TRIP4: variants seen among roughly 807,000 people sequenced by gnomAD.
The protein encoded by TRIP4 is activating signal cointegrator 1.
A neutral mutation model predicts 81.8 loss-of-function variants in TRIP4; 54 were observed. The ratio of observed to expected loss-of-function variants is 0.66; its 90% CI spans 0.53 to 0.83. TRIP4 has a LOEUF of 0.83. TRIP4 is among the 40% of genes least tolerant of loss of function. TRIP4 has a pLI of 0.00. For synonymous variants in TRIP4, 270 were observed against 242.8 expected, an observed-to-expected ratio of 1.11 and a Z score of -1.04; for missense variants, 662 against 683.6, an observed-to-expected ratio of 0.97 and a Z score of 0.35.
chr15:64,430,119 A>C lies in TRIP4; in HGVS notation c.1575+4488A>C, dbSNP rs534708397. On this transcript the variant is annotated intron_variant, in intron 11 of 12. Transcript: ENST00000261884. ...AAAATCAAGTGCACTACACTGTTAA[A>C]TGGCTTTAAAAATATGTGCTTTCTC... Among the ~76,000 whole-genome samples the C allele has an allele frequency of 5.3e-5, 8 of 152,356 alleles. No individual in the cohort carries two copies. In the South Asian group the frequency reaches 1.4e-3, roughly 28 times the overall value.
chr15:64,428,536 A>G (rs904187156), intron 11 of TRIP4, among the ~76,000 whole-genome samples: 1 of 152,188 alleles, frequency 6.6e-6, no homozygotes, highest in East Asian at 1.9e-4. Flanking sequence ...AGAAGCCACT[A>G]GGCTTCATCA....
intron 12 of TRIP4, among the ~76,000 whole-genome samples, chr15:64,446,363 C>T (rs16947969): frequency 0.046 from 7,054 of 151,902 alleles, 530 homozygotes; most frequent in African/African-American, 0.16. Flanking sequence ...TATTGGTTCC[C>T]AGAGTACAGC....
At chr15:64,429,686 G>T (rs967482239) in intron 11 of TRIP4, among the ~76,000 whole-genome samples, 1 of 152,142 alleles carries the variant, frequency 6.6e-6, no homozygotes, top group Non-Finnish European at 1.5e-5. Flanking sequence ...TACAGTTTAG[G>T]AGTGTTAGTC....
At chr15:64,443,311 C>T (rs1445769990) in intron 11 of TRIP4, among the ~76,000 whole-genome samples, 1 of 152,146 alleles carries the variant, frequency 6.6e-6, no homozygotes, top group Admixed American at 6.6e-5. Flanking sequence ...GAGGCAAAAA[C>T]TATTGACATG....
chr15:64,406,589 T>C lies in TRIP4; in HGVS notation c.827+130T>C, dbSNP rs1234574364. The C allele has an allele frequency of 4.5e-6, 5 of 1,122,564 alleles. No homozygotes were observed. The South Asian group carries it at 5.0e-5, about 11-fold the overall frequency. 69.5% of individuals were successfully genotyped at this position (1,122,564 alleles called of 1,614,324 possible). Reference sequence around the variant, plus strand: ...TTATAGCAAAAGAAGAGCCAGATGCTCTACATAGGAGGCCTACATCTTGTT... The same window carrying C: ...TTATAGCAAAAGAAGAGCCAGATGCCCTACATAGGAGGCCTACATCTTGTT... On this transcript the variant is annotated intron_variant, in intron 6 of 12. Transcript: ENST00000261884.
chr15:64,409,867 C>A (rs770141555), intron 7 of TRIP4, 39 bp downstream of exon 7: 16 of 1,567,132 alleles, frequency 1.0e-5, no homozygotes, highest in Non-Finnish European at 1.3e-5. Context: ...AAAGAAGGAA[C>A]AGGTTGACCA....
At chr15:64,413,608 T>G (rs1891820272) in intron 7 of TRIP4, among the ~76,000 whole-genome samples, 1 of 152,022 alleles carries the variant, frequency 6.6e-6, no homozygotes, top group South Asian at 2.1e-4. Context: ...TTTTATTTTT[T>G]TGAGACAGTC....
At chr15:64,393,837 C>A in intron 1 of TRIP4, 109 bp from the exon 2 acceptor site, 1 of 1,084,426 alleles carries the variant, frequency 9.2e-7, no homozygotes, top group Non-Finnish European at 1.2e-6. Context: ...TCAAAGTAAA[C>A]ACTCTAATAG....
intron 12 of TRIP4, among the ~76,000 whole-genome samples, chr15:64,453,960 A>T (rs1258403415): frequency 1.3e-5 from 2 of 152,142 alleles, no homozygotes; most frequent in African/African-American, 4.8e-5. Flanking sequence ...AATACCAGAG[A>T]AGGGTGGACT....
chr15:64,436,943 A>G (rs1892416050), intron 11 of TRIP4, among the ~76,000 whole-genome samples: 1 of 151,202 alleles, frequency 6.6e-6, no homozygotes, highest in South Asian at 2.1e-4. Flanking sequence ...TCCTGACCTC[A>G]TGATCTGCCT....
intron 11 of TRIP4, among the ~76,000 whole-genome samples, chr15:64,437,498 GT>G (rs368624525): frequency 6.9e-4 from 99 of 143,028 alleles, no homozygotes; most frequent in African/African-American, 2.0e-3. Flanking sequence ...GTGTTACTTT[GT>G]TTTTTTTTTT....
chr15:64,395,157 G>A (rs1900251605), intron 2 of TRIP4, among the ~76,000 whole-genome samples: 1 of 152,118 alleles, frequency 6.6e-6, no homozygotes, highest in Non-Finnish European at 1.5e-5. Context: ...TAGAATATCA[G>A]ATTTTAATTT....
At chr15:64,446,644 C>T (rs1308677698) in intron 12 of TRIP4, among the ~76,000 whole-genome samples, 2 of 151,254 alleles carry the variant, frequency 1.3e-5, no homozygotes, top group African/African-American at 2.4e-5. Context: ...CCTTGTGATC[C>T]GCCTGCCTTG....
chr15:64,432,922 A>AAAAT lies in TRIP4; in HGVS notation c.1575+7315_1575+7318dup, dbSNP rs59272780. 4.7e-3 allele frequency among the ~76,000 whole-genome samples: 701 copies of AAAAT among 150,266 alleles called. 1 individual carries two copies. The highest frequency in any genetic ancestry group is 9.3e-3 in the Admixed American group (140 of 15,042). ...CAAGACTCCATCTCAAAAATAAATA[A>AAAAT]AAATAAATAAATAAATAAATAAATA... On this transcript the variant is annotated intron_variant, in intron 11 of 12. Transcript: ENST00000261884.
intron 11 of TRIP4, among the ~76,000 whole-genome samples, chr15:64,431,847 A>ATATTTTTTTT: frequency 2.5e-5 from 3 of 119,554 alleles, no homozygotes; most frequent in Non-Finnish European, 4.9e-5. Context: ...ATATATATAT[A>ATATTTTTTTT]TTTTTTTTAT....
chr15:64,418,819 C>G, intron 9 of TRIP4, 91 bp downstream of exon 9: 1 of 1,246,826 alleles, frequency 8.0e-7, no homozygotes, highest in Non-Finnish European at 1.1e-6. Context: ...TTTCCTCAAT[C>G]TAGTGATGAT....
chr15:64,408,785 TA>T (rs1891692556), intron 6 of TRIP4, among the ~76,000 whole-genome samples: 2 of 152,312 alleles, frequency 1.3e-5, no homozygotes, highest in South Asian at 4.1e-4. Context: ...TTCCAGGTTT[TA>T]GTGTCTCTGT....
chr15:64,406,426 A>C lies in TRIP4; in HGVS notation c.794A>C (p.His265Pro), dbSNP rs761051245. The change falls in exon 6 of 13, where the codon CAT (histidine) becomes CCT (proline). Residue 265 changes from histidine (H) to proline (P), a missense_variant. Coordinates refer to ENST00000261884, the MANE Select transcript of TRIP4 (RefSeq NM_016213.5). Reference protein sequence around the residue: ...IKSGLEKAIKHKDKLLEFDRT... With the variant: ...IKSGLEKAIKPKDKLLEFDRT... ...TCTGGTCTGGAGAAGGCTATCAAGCATAAAGACAAACTGTTAGAGTTTGAC... is the reference window on the plus strand; with the variant it reads ...TCTGGTCTGGAGAAGGCTATCAAGCCTAAAGACAAACTGTTAGAGTTTGAC... The C allele has an allele frequency of 6.2e-7, 1 of 1,614,164 alleles. No homozygotes were observed. Among genetic ancestry groups the C allele is most frequent in the South Asian group, 1.1e-5 (1 of 91,082 alleles).
At chr15:64,391,143 C>A (rs1306012223) in intron 1 of TRIP4, among the ~76,000 whole-genome samples, 1 of 151,814 alleles carries the variant, frequency 6.6e-6, no homozygotes, top group African/African-American at 2.4e-5. Flanking sequence ...TGAAATAGCA[C>A]AGAGCTATTA....
Sources: allele counts gnomAD v4.1 joint callset (sites outside exome capture counted in the v4.1 genomes callset), GRCh38; gene constraint gnomAD v4.1.1; transcripts MANE v1.5; gene names NCBI Gene and HGNC (gene_info 2026-07-23, HGNC 2026-07-21).